RARS1: variants seen among roughly 807,000 people sequenced by gnomAD.
RARS1 encodes the protein arginine--tRNA ligase, cytoplasmic.
RARS1 carries 75 observed loss-of-function variants against 78.7 expected under a neutral mutation model. The observed-to-expected ratio is 0.95, with a 90% CI of 0.79 to 1.15. The LOEUF (loss-of-function observed/expected upper bound fraction) is 1.15, where lower values mean the gene tolerates loss of function less well. Among genes scored for constraint, RARS1 ranks in the 50% most tolerant of loss-of-function variants. The probability of loss-of-function intolerance (pLI) is 0.00; values close to 1 mark genes in which losing one functional copy is unlikely to be tolerated. For synonymous variants in RARS1, 273 were observed against 268.2 expected, an observed-to-expected ratio of 1.02 and a Z score of -0.18; for missense variants, 787 against 787.5, an observed-to-expected ratio of 1.00 and a Z score of 0.01.
intron 9 of RARS1, among the ~76,000 whole-genome samples, chr5:168,505,463 G>T (rs1049730845): frequency 9.9e-5 from 15 of 152,130 alleles, no homozygotes; most frequent in Non-Finnish European, 1.5e-4. Context: ...TTTTCAGCAC[G>T]CTGTTAGAGA....
chr5:168,491,301 A>G (rs2152903492), intron 2 of RARS1, among the ~76,000 whole-genome samples: 1 of 152,304 alleles, frequency 6.6e-6, no homozygotes, highest in East Asian at 1.9e-4. Context: ...TCAAGGTTAC[A>G]GTGAGCTGTC....
In RARS1 at chr5:168,500,710, C is replaced by T; in HGVS notation, c.942C>T (p.Val314=). The change falls in exon 8 of 15, where the codon GTC becomes GTT. Residue 314 remains valine, a synonymous_variant. Coordinates refer to ENST00000231572, the MANE Select transcript of RARS1 (RefSeq NM_002887.4). ...ITKAWKLICD[V]SRQELNKIYD... Reference sequence around the variant, plus strand: ...AAGCTTGGAAGCTTATCTGTGATGTCTCCCGCCAAGGTGAGTTTCTGGGCT... The same window carrying T: ...AAGCTTGGAAGCTTATCTGTGATGTTTCCCGCCAAGGTGAGTTTCTGGGCT... 1 of 1,611,156 alleles carries T rather than the reference C, an allele frequency of 6.2e-7. No homozygotes were observed. The highest frequency in any genetic ancestry group is 8.5e-7 in the Non-Finnish European group (1 of 1,179,182).
chr5:168,497,040 GAC>G (rs1758207760), intron 6 of RARS1, 186 bp from the exon 7 acceptor site: 1 of 432,450 alleles, frequency 2.3e-6, no homozygotes, highest in Non-Finnish European at 4.0e-6. Context: ...GAATGTAACA[GAC>G]ATAGTTTTCA....
intron 7 of RARS1, among the ~76,000 whole-genome samples, chr5:168,499,028 T>G (rs1758260608): frequency 6.6e-6 from 1 of 152,070 alleles, no homozygotes; most frequent in Admixed American, 6.6e-5. Context: ...TTTAAAAATT[T>G]CCTTATGGGC....
At chr5:168,501,872 CA>C (rs983283146) in intron 8 of RARS1, 128 bp from the exon 9 acceptor site, 12 of 1,352,086 alleles carry the variant, frequency 8.9e-6, no homozygotes, top group Non-Finnish European at 9.7e-6. Flanking sequence ...CTATATCATA[CA>C]TTTTTTATGT....
chr5:168,504,383 TGTG>T (rs1399753058), intron 9 of RARS1, among the ~76,000 whole-genome samples: 1 of 150,508 alleles, frequency 6.6e-6, no homozygotes, highest in Non-Finnish European at 1.5e-5. Context: ...AATTAGCTGG[TGTG>T]GTGGCACACA....
At chr5:168,507,492 A>G (rs1335518345) in intron 11 of RARS1, among the ~76,000 whole-genome samples, 2 of 152,214 alleles carry the variant, frequency 1.3e-5, no homozygotes, top group Admixed American at 6.5e-5. Context: ...AATCTGTGGC[A>G]TCTTAGATTT....
chr5:168,486,644 T>G, intron 1 of RARS1, 101 bp downstream of exon 1: 6 of 1,253,246 alleles, frequency 4.8e-6, no homozygotes, highest in Non-Finnish European at 6.8e-6. Flanking sequence ...GCGAGGACCA[T>G]CCTGGTCCTC....
intron 11 of RARS1, among the ~76,000 whole-genome samples, chr5:168,508,133 A>C (rs1282573294): frequency 2.0e-5 from 3 of 152,182 alleles, no homozygotes; most frequent in South Asian, 2.1e-4. Flanking sequence ...ATAGTATCTT[A>C]GTTTCTTAAC....
chr5:168,489,741 C>G (rs974388782), intron 2 of RARS1, among the ~76,000 whole-genome samples: 1 of 152,080 alleles, frequency 6.6e-6, no homozygotes, highest in African/African-American at 2.4e-5. Context: ...CATCCTTTTC[C>G]CAAAGCTGAT....
chr5:168,499,986 G>A (rs943502106), intron 7 of RARS1, among the ~76,000 whole-genome samples: 10 of 152,072 alleles, frequency 6.6e-5, no homozygotes, highest in South Asian at 2.1e-4. Flanking sequence ...TCAGGAATTC[G>A]GGACCAGCCT....
Position 168,516,854 on chromosome 5 carries a change from A to C in RARS1, c.1529A>C (p.His510Pro). Residue 510 changes from histidine to proline, a missense_variant, in exon 13 of 15, where the codon CAT becomes CCT. His to Pro is a moderately conservative substitution (Grantham distance 77). Transcript: ENST00000231572. ...YGCIKYADLS[H>P]NRLNDYIFSF... ...TGCATCAAATATGCTGACCTTTCCC[A>C]TAACCGGTTGAATGACTACATCTTC... 2 of 1,614,098 alleles carry C rather than the reference A, an allele frequency of 1.2e-6. No individual in the cohort carries two copies. Among genetic ancestry groups the C allele is most frequent in the Non-Finnish European group, 1.7e-6 (2 of 1,179,958 alleles).
At chr5:168,508,619 CAAAAAAAAAAA>C (rs34579916) in intron 11 of RARS1, among the ~76,000 whole-genome samples, 1 of 61,256 alleles carries the variant, frequency 1.6e-5, no homozygotes, top group Non-Finnish European at 3.2e-5. Context: ...GACTCTGTCT[CAAAAAAAAAAA>C]AAAAAAAAAA....
At chr5:168,506,637 A>T in intron 10 of RARS1, 85 bp from the exon 11 acceptor site, 1 of 989,700 alleles carries the variant, frequency 1.0e-6, no homozygotes, top group South Asian at 1.5e-5. Context: ...TGAATTTTAC[A>T]GATCTATTCC....
intron 6 of RARS1, 36 bp downstream of exon 6, chr5:168,495,472 T>C: frequency 6.3e-7 from 1 of 1,586,564 alleles, no homozygotes; most frequent in Non-Finnish European, 8.6e-7. Context: ...TTCTCTTTCC[T>C]TATTTTCTTG....
chr5:168,489,002 G>A (rs1185576177), intron 2 of RARS1, among the ~76,000 whole-genome samples: 1 of 152,140 alleles, frequency 6.6e-6, no homozygotes, highest in Non-Finnish European at 1.5e-5. Context: ...ATTTAGGTAG[G>A]GTTGAGGCAT....
chr5:168,506,278 A>G (rs1467672294), intron 10 of RARS1, 79 bp downstream of exon 10: 22 of 1,138,136 alleles, frequency 1.9e-5, no homozygotes, highest in Middle Eastern at 2.0e-4. Flanking sequence ...GACATCTGAC[A>G]CTGGATGACT....
Position 168,491,330 on chromosome 5 carries a change from C to T in RARS1, c.181-1329C>T, listed in dbSNP as rs147743139. 4.4e-3 allele frequency among the ~76,000 whole-genome samples: 664 copies of T among 152,190 alleles called. 19 individuals are homozygous for T. Among genetic ancestry groups the T allele is most frequent in the Admixed American group, 0.038 (582 of 15,288 alleles). On this transcript the variant is annotated intron_variant, in intron 2 of 14. Transcript: ENST00000231572. ...AGCTGTCATGCCACTGCACTTTAGC[C>T]TCAGCAGAGTGCACAGTGAGATCTT...
At chr5:168,502,849 A>AT (rs376595437) in intron 9 of RARS1, among the ~76,000 whole-genome samples, 3 of 151,838 alleles carry the variant, frequency 2.0e-5, no homozygotes, top group Admixed American at 1.3e-4. Context: ...TGGATTCATG[A>AT]TTTTTTTTAA....
Sources: gnomAD v4.1 joint callset for allele counts (sites outside exome capture counted in the v4.1 genomes callset) on GRCh38, gnomAD v4.1.1 for gene constraint, MANE v1.5 for transcripts, NCBI Gene and HGNC (gene_info 2026-07-23, HGNC 2026-07-21) for gene names.